C6orf163: variants seen among roughly 807,000 people sequenced by gnomAD.
The protein encoded by C6orf163 is chromosome 6 open reading frame 163.
A neutral mutation model predicts 28.4 loss-of-function variants in C6orf163; 22 were observed. The observed-to-expected ratio is 0.78, with a 90% CI of 0.55 to 1.11. C6orf163 has a LOEUF of 1.11. Among genes scored for constraint, C6orf163 ranks in the 50% least tolerant of loss-of-function variants. C6orf163 has a pLI of 0.00. For synonymous variants in C6orf163, 110 were observed against 123.6 expected (o/e 0.89, Z 0.73); for missense variants, 342 against 389.1 (o/e 0.88, Z 1.02).
intron 4 of C6orf163, among the ~76,000 whole-genome samples, chr6:87,358,795 G>A (rs1224854192): frequency 1.3e-5 from 2 of 152,110 alleles, no homozygotes; most frequent in African/African-American, 4.8e-5. Flanking sequence ...CTTCCTAGGA[G>A]ATTGTATCAT....
chr6:87,363,452 C>T (rs1247666347), intron 4 of C6orf163, among the ~76,000 whole-genome samples: 2 of 151,506 alleles, frequency 1.3e-5, no homozygotes, highest in East Asian at 1.9e-4. Context: ...CCCATTAACT[C>T]GTCATTTAGC....
intron 4 of C6orf163, 112 bp downstream of exon 4, chr6:87,356,615 A>G (rs1489437288): frequency 1.1e-5 from 10 of 936,234 alleles, no homozygotes; most frequent in African/African-American, 6.7e-5. Flanking sequence ...TTGTGTTTTT[A>G]CATTTTTATT....
At chr6:87,352,426 T>C (rs569214602) in intron 3 of C6orf163, among the ~76,000 whole-genome samples, 101 of 152,320 alleles carry the variant, frequency 6.6e-4, no homozygotes, top group Middle Eastern at 6.8e-3. Flanking sequence ...CAAGTTCCTC[T>C]AGAACCAAAT....
Position 87,344,938 on chromosome 6 carries a change from G to T in C6orf163, c.-162G>T, listed in dbSNP as rs1276283374. ...CTTTAACGTTAGACACATAACCACAGCCTAATCACTTGAACCATTTAATCC... is the reference window on the plus strand; with the variant it reads ...CTTTAACGTTAGACACATAACCACATCCTAATCACTTGAACCATTTAATCC... On this transcript the variant is annotated 5_prime_UTR_variant, in exon 1 of 5. Coordinates refer to ENST00000388923, the MANE Select transcript of C6orf163 (RefSeq NM_001010868.3). 1.2e-5 allele frequency: 7 copies of T among 579,354 alleles called. No individual in the cohort carries two copies. The highest frequency in any genetic ancestry group is 2.1e-5 in the Non-Finnish European group (7 of 336,404). The allele number at this position is 579,354 out of a possible 1,614,324, so 35.9% of individuals were successfully genotyped here.
In C6orf163 at chr6:87,344,847, G is replaced by A; in HGVS notation, c.-253G>A. On this transcript the variant is annotated 5_prime_UTR_variant, in exon 1 of 5. Transcript: ENST00000388923. ...ACTTAATGCTAGAGTCTGGGAAGGA[G>A]CAACTACTTAAATCTTCCCAAATCT... 3.3e-6 allele frequency: 1 copy of A among 300,106 alleles called. No homozygotes were observed. Among genetic ancestry groups the A allele is most frequent in the Non-Finnish European group, 6.1e-6 (1 of 164,122 alleles). The allele number at this position is 300,106 out of a possible 1,614,324, so 18.6% of individuals were successfully genotyped here. A position where few individuals can be genotyped will look rare whatever the true frequency, so the allele number is the denominator to read the frequency against.
Position 87,349,133 on chromosome 6 carries a change from T to C in C6orf163, c.243+227T>C, listed in dbSNP as rs576744077. Among the ~76,000 whole-genome samples the C allele has an allele frequency of 2.6e-5, 4 of 152,316 alleles. No homozygotes were observed. In the East Asian group the frequency reaches 7.7e-4, roughly 29 times the overall value. On this transcript the variant is annotated intron_variant, in intron 2 of 4. Transcript: ENST00000388923. ...GTTGGGAGGGTTCAGTGAAATAATA[T>C]GCCTGGCACACAGTAGGTGCTTAGT...
At chr6:87,349,659 G>A (rs190801169) in intron 2 of C6orf163, among the ~76,000 whole-genome samples, 1 of 152,282 alleles carries the variant, frequency 6.6e-6, no homozygotes, top group African/African-American at 2.4e-5. Flanking sequence ...ATAGCAAATA[G>A]TATTAGCATT....
chr6:87,352,069 A>G (rs1329188151), intron 3 of C6orf163, among the ~76,000 whole-genome samples: 1 of 150,212 alleles, frequency 6.7e-6, no homozygotes, highest in Admixed American at 6.6e-5. Context: ...AAGAAGCCCT[A>G]TTTAAAGGTA....
chr6:87,365,305 T>G lies in C6orf163; in HGVS notation c.899T>G (p.Leu300Arg), dbSNP rs896231969. 53 of 1,551,586 alleles carry G rather than the reference T, an allele frequency of 3.4e-5. No homozygotes were observed. Among genetic ancestry groups the G allele is most frequent in the Non-Finnish European group, 4.4e-5 (51 of 1,146,860 alleles). ...QKYINYTFPK[L>R]SPGHADFILP... ...TACATCAATTATACCTTTCCTAAGC[T>G]TTCACCAGGACATGCAGATTTTATT... is the stretch of plus-strand genomic sequence containing the variant. The change falls in exon 5 of 5, where the codon CTT (leucine) becomes CGT (arginine). Residue 300 changes from leucine to arginine, a missense_variant. Coordinates refer to ENST00000388923, the MANE Select transcript of C6orf163 (RefSeq NM_001010868.3).
rs373227226 is a variant in C6orf163, at chr6:87,365,189, G to A, written c.783G>A (p.Leu261=). The A allele has an allele frequency of 6.4e-7, 1 of 1,551,774 alleles. No individual in the cohort carries two copies. The highest frequency in any genetic ancestry group is 1.4e-5 in the African/African-American group (1 of 73,146). Residue 261 remains leucine, a synonymous_variant, in exon 5 of 5, where the codon CTG becomes CTA. Coordinates refer to ENST00000388923, the MANE Select transcript of C6orf163 (RefSeq NM_001010868.3). ...AACTGGCTAACACCCAGGGGGAGCT[G>A]CTGTCTATAGCAAAACAACTGGGAA... ...MDKLANTQGE[L]LSIAKQLGIM... is the part of the protein sequence containing the mutation.
At chr6:87,349,754 C>G (rs1186645321) in intron 2 of C6orf163, among the ~76,000 whole-genome samples, 1 of 152,192 alleles carries the variant, frequency 6.6e-6, no homozygotes, top group Non-Finnish European at 1.5e-5. Context: ...TACTCCAGTT[C>G]TGTATACCCC....
At chr6:87,345,715 A>G (rs1382837982) in intron 1 of C6orf163, among the ~76,000 whole-genome samples, 1 of 152,088 alleles carries the variant, frequency 6.6e-6, no homozygotes, top group African/African-American at 2.4e-5. Context: ...TGAGGCCAAG[A>G]GTTCAAGACC....
At position 87,365,438 on chromosome 6, in the gene C6orf163, G is replaced by A. The variant is rs1386252376; in HGVS notation, c.*42G>A. On this transcript the variant is annotated 3_prime_UTR_variant, in exon 5 of 5. Coordinates refer to ENST00000388923, the MANE Select transcript of C6orf163 (RefSeq NM_001010868.3). ...TTCCACTACAAAAGACATCATTCCA[G>A]ACTAAATAAATTTACTCAAAAACCA... The A allele has an allele frequency of 1.6e-6, 2 of 1,258,176 alleles. No homozygotes were observed. Among genetic ancestry groups the A allele is most frequent in the Non-Finnish European group, 2.2e-6 (2 of 917,324 alleles). 77.9% of individuals were successfully genotyped at this position (1,258,176 alleles called of 1,614,324 possible).
intron 4 of C6orf163, among the ~76,000 whole-genome samples, chr6:87,363,127 A>T (rs534788416): frequency 6.6e-6 from 1 of 152,214 alleles, no homozygotes; most frequent in African/African-American, 2.4e-5. Context: ...GAATTAATGT[A>T]TGCATAGAAT....
chr6:87,353,838 G>A (rs943191703), intron 3 of C6orf163, among the ~76,000 whole-genome samples: 5 of 152,134 alleles, frequency 3.3e-5, no homozygotes, highest in African/African-American at 1.2e-4. Context: ...AACAGACTTA[G>A]ATGCTTGATT....
At position 87,345,254 on chromosome 6, in the gene C6orf163, G is replaced by A; in HGVS notation, c.148+7G>A. The A allele has an allele frequency of 1.3e-6, 2 of 1,511,988 alleles. No homozygotes were observed. The highest frequency in any genetic ancestry group is 1.3e-5 in the South Asian group (1 of 79,030). The allele number at this position is 1,511,988 out of a possible 1,614,324, so 93.7% of individuals were successfully genotyped here. ...ACTCACAAAGACATACTAGGTAAGTGACTTTATCGTTTTCCTTTGTTCTAA... is the reference window on the plus strand; with the variant it reads ...ACTCACAAAGACATACTAGGTAAGTAACTTTATCGTTTTCCTTTGTTCTAA... On this transcript the variant is annotated splice_region_variant and intron_variant, in intron 1 of 4. Coordinates refer to ENST00000388923, the MANE Select transcript of C6orf163 (RefSeq NM_001010868.3).
At chr6:87,361,299 G>C (rs1458818862) in intron 4 of C6orf163, among the ~76,000 whole-genome samples, 1 of 151,814 alleles carries the variant, frequency 6.6e-6, no homozygotes, top group Non-Finnish European at 1.5e-5. Context: ...AAAAAAAAAA[G>C]AAGAAAGAAA....
At chr6:87,363,192 T>G (rs1416304963) in intron 4 of C6orf163, among the ~76,000 whole-genome samples, 1 of 152,166 alleles carries the variant, frequency 6.6e-6, no homozygotes, top group East Asian at 1.9e-4. Flanking sequence ...CTGCTATGAA[T>G]TTTATATAAT....
intron 3 of C6orf163, among the ~76,000 whole-genome samples, chr6:87,353,913 G>A (rs1777457895): frequency 6.6e-6 from 1 of 152,182 alleles, no homozygotes; most frequent in South Asian, 2.1e-4. Flanking sequence ...GTGCAGTGGT[G>A]TGATCTTGGC....
Sources: allele counts gnomAD v4.1 joint callset (sites outside exome capture counted in the v4.1 genomes callset), GRCh38; gene constraint gnomAD v4.1.1; transcripts MANE v1.5; gene names NCBI Gene and HGNC (gene_info 2026-07-23, HGNC 2026-07-21).